The following CADPS2 variants were observed in gnomAD, a reference collection of about 807,000 sequenced individuals.
CADPS2 encodes calcium dependent secretion activator 2, also known as calcium-dependent secretion activator 2.
In CADPS2, 93 loss-of-function variants were observed where a neutral mutation model predicts 172.5. The ratio of observed to expected loss-of-function variants is 0.54; its 90% CI spans 0.46 to 0.64. The LOEUF (loss-of-function observed/expected upper bound fraction) is 0.64. Ranked by LOEUF, CADPS2 falls within the 30% of genes least tolerant of loss-of-function variation. CADPS2 has a pLI of 0.00. For missense variants in CADPS2, 1,420 were observed against 1,565.9 expected, an observed-to-expected ratio of 0.91 and a Z score of 1.57; for synonymous variants, 546 against 555.2, an observed-to-expected ratio of 0.98 and a Z score of 0.23.
intron 25 of CADPS2, chr7:122,366,710 T>C (rs2040955034): frequency 6.7e-6 from 1 of 149,044 alleles, no homozygotes; most frequent in Non-Finnish European, 1.5e-5. Context: ...CGTATACATA[T>C]ATATATACAC....
Position 122,657,150 on chromosome 7 carries a change from T to G in CADPS2, c.786+6087A>C, listed in dbSNP as rs180990388. On this transcript the variant is annotated intron_variant, in intron 3 of 29. Transcript: ENST00000449022. ...GTGGTATTATTTCTGAGGACTCTGC[T>G]CTGTTCCATAGGTCTATATCTCTGT... Among the ~76,000 whole-genome samples, 262 of 152,340 alleles carry G rather than the reference T, an allele frequency of 1.7e-3. 3 individuals are homozygous for G. The highest frequency in any genetic ancestry group is 6.2e-3 in the African/African-American group (259 of 41,580).
chr7:122,579,893 G>A (rs189171800), intron 7 of CADPS2, among the ~76,000 whole-genome samples: 6 of 152,148 alleles, frequency 3.9e-5, no homozygotes, highest in East Asian at 3.9e-4. Context: ...TCTCTGGAGT[G>A]TAGATACAGA....
At chr7:122,663,594 A>C (rs1274233559) in intron 2 of CADPS2, 25 bp from the exon 3 acceptor site, 4 of 1,516,458 alleles carry the variant, frequency 2.6e-6, no homozygotes, top group Non-Finnish European at 3.6e-6. Flanking sequence ...AAACAAAACA[A>C]AACAAAAAAC....
chr7:122,448,071 T>C (rs757675434), intron 15 of CADPS2, among the ~76,000 whole-genome samples: 1 of 152,212 alleles, frequency 6.6e-6, no homozygotes, highest in Non-Finnish European at 1.5e-5. Context: ...ATATCAGTAT[T>C]GCTCCTCACA....
intron 2 of CADPS2, among the ~76,000 whole-genome samples, chr7:122,687,357 G>A (rs2083768912): frequency 6.6e-6 from 1 of 152,092 alleles, no homozygotes; most frequent in Non-Finnish European, 1.5e-5. Flanking sequence ...ATTTCTTTAA[G>A]CCCTTAAAGC....
chr7:122,745,745 CTGGGATAGCT>C (rs1383891961), intron 1 of CADPS2, among the ~76,000 whole-genome samples: 1 of 151,660 alleles, frequency 6.6e-6, no homozygotes, highest in East Asian at 1.9e-4. Flanking sequence ...CTATTCCCTA[CTGGGATAGCT>C]ACATCCTCTA....
intron 1 of CADPS2, among the ~76,000 whole-genome samples, chr7:122,815,343 C>T (rs1215360927): frequency 1.3e-5 from 2 of 152,134 alleles, no homozygotes; most frequent in Non-Finnish European, 2.9e-5. Context: ...CCAAGGAATA[C>T]TCAAGAGCTA....
chr7:122,681,247 G>T (rs1588379098), intron 2 of CADPS2: 1 of 735,934 alleles, frequency 1.4e-6, no homozygotes, highest in South Asian at 1.4e-5. Context: ...CCTGCACAAT[G>T]TGCACATGTA....
intron 2 of CADPS2, among the ~76,000 whole-genome samples, chr7:122,688,214 G>C (rs1360231749): frequency 6.6e-6 from 1 of 152,226 alleles, no homozygotes; most frequent in African/African-American, 2.4e-5. Context: ...ATAAAGGTTA[G>C]GATGTAGAGA....
chr7:122,886,430 G>A lies in CADPS2; in HGVS notation c.-93C>T, dbSNP rs1824403387. ...CGGGTCTGAGGGAGCCGCGGGGCTG[G>A]CTGCAGCGGCCGCAGAACGAAAGGA... On this transcript the variant is annotated 5_prime_UTR_variant, in exon 1 of 30. Transcript: ENST00000449022. The A allele has an allele frequency of 1.4e-6, 2 of 1,399,256 alleles. No homozygotes were observed. Among genetic ancestry groups the A allele is most frequent in the Admixed American group, 3.8e-5 (1 of 26,124 alleles). The allele number at this position is 1,399,256 out of a possible 1,614,324, so 86.7% of individuals were successfully genotyped here.
At chr7:122,489,860 C>T (rs1189159191) in intron 11 of CADPS2, among the ~76,000 whole-genome samples, 1 of 152,058 alleles carries the variant, frequency 6.6e-6, no homozygotes, top group Non-Finnish European at 1.5e-5. Context: ...TAGAAATACC[C>T]TAATGCTTGA....
chr7:122,837,699 G>A (rs1439959006), intron 1 of CADPS2, among the ~76,000 whole-genome samples: 1 of 152,116 alleles, frequency 6.6e-6, no homozygotes, highest in Admixed American at 6.5e-5. Flanking sequence ...TAAATTCCTG[G>A]ACACATACAC....
chr7:122,773,425 G>A (rs1029796896), intron 1 of CADPS2, among the ~76,000 whole-genome samples: 4 of 151,954 alleles, frequency 2.6e-5, no homozygotes, highest in Non-Finnish European at 1.5e-5. Context: ...GCACTAAACT[G>A]CTGATAATAT....
intron 9 of CADPS2, among the ~76,000 whole-genome samples, chr7:122,501,831 C>G (rs2059225018): frequency 1.4e-5 from 2 of 140,552 alleles, no homozygotes; most frequent in South Asian, 4.5e-4. Context: ...GCTGAGATCG[C>G]ACCACTGCAC....
chr7:122,662,096 A>G (rs2080619570), intron 3 of CADPS2, among the ~76,000 whole-genome samples: 2 of 152,246 alleles, frequency 1.3e-5, no homozygotes, highest in South Asian at 2.1e-4. Flanking sequence ...TTACCAATGC[A>G]AAGTAACCAA....
At chr7:122,722,107 A>G (rs1248167479) in intron 2 of CADPS2, among the ~76,000 whole-genome samples, 1 of 152,124 alleles carries the variant, frequency 6.6e-6, no homozygotes, top group Admixed American at 6.6e-5. Flanking sequence ...CAAAAACTGG[A>G]AGCATTCCCT....
intron 3 of CADPS2, among the ~76,000 whole-genome samples, chr7:122,642,539 A>G (rs886781990): frequency 1.0e-5 from 1 of 98,652 alleles, no homozygotes; most frequent in Non-Finnish European, 2.0e-5. Context: ...ACTAAGTTTC[A>G]CCCAACAGCT....
At chr7:122,813,595 T>G (rs897640141) in intron 1 of CADPS2, among the ~76,000 whole-genome samples, 1 of 152,110 alleles carries the variant, frequency 6.6e-6, no homozygotes, top group African/African-American at 2.4e-5. Context: ...AAGCAGAACT[T>G]TATTATCAAG....
chr7:122,563,521 A>T (rs2066014996), intron 7 of CADPS2, among the ~76,000 whole-genome samples: 1 of 152,170 alleles, frequency 6.6e-6, no homozygotes, highest in Non-Finnish European at 1.5e-5. Flanking sequence ...AAATCACTTC[A>T]AGATAACAAC....
Sources: gnomAD v4.1 joint callset for allele counts (sites outside exome capture counted in the v4.1 genomes callset) on GRCh38, gnomAD v4.1.1 for gene constraint, MANE v1.5 for transcripts, NCBI Gene and HGNC (gene_info 2026-07-23, HGNC 2026-07-21) for gene names.